Variants in GLRA3 observed in about 807,000 individuals in gnomAD.
The protein encoded by GLRA3 is glycine receptor subunit alpha-3.
In GLRA3, 44 loss-of-function variants were observed where a neutral mutation model predicts 60.4. That is an observed-to-expected ratio of 0.73 (90% CI 0.57 to 0.94). The LOEUF (loss-of-function observed/expected upper bound fraction) is 0.94. Among genes scored for constraint, GLRA3 ranks in the 40% least tolerant of loss-of-function variants. The pLI is 0.00. For missense variants in GLRA3, 508 were observed against 564.6 expected (o/e 0.90, Z 1.02); for synonymous variants, 223 against 192.9 (o/e 1.16, Z -1.29).
At position 174,638,285 on chromosome 4, in the gene GLRA3, CTT is replaced by C. The variant is rs900237731; in HGVS notation, c.*5499_*5500del. 5.9e-5 allele frequency: 9 copies of C among 151,928 alleles called. No homozygotes were observed. Among genetic ancestry groups the C allele is most frequent in the African/African-American group, 1.9e-4 (8 of 41,354 alleles). 9.4% of individuals were successfully genotyped at this position (151,928 alleles called of 1,614,324 possible). On this transcript the variant is annotated 3_prime_UTR_variant, in exon 10 of 10. Transcript: ENST00000274093. The stretch of plus-strand genomic sequence containing the variant: ...ACGCATCAAAGATTTATTTTAAATT[CTT>C]TTTTTGTCTGTCTGTTTGTTTGTGA...
chr4:174,718,910 T>G (rs1038437064), intron 4 of GLRA3, among the ~76,000 whole-genome samples: 1 of 151,512 alleles, frequency 6.6e-6, no homozygotes, highest in African/African-American at 2.4e-5. Context: ...ACAGCAAAAA[T>G]TGCTACAGCT....
chr4:174,676,193 TC>T (rs1387885293), intron 7 of GLRA3, among the ~76,000 whole-genome samples: 3 of 152,122 alleles, frequency 2.0e-5, no homozygotes, highest in Non-Finnish European at 4.4e-5. Flanking sequence ...CAATATTGGG[TC>T]TTTTACAAAC....
At chr4:174,700,514 G>A (rs10014459) in intron 5 of GLRA3, among the ~76,000 whole-genome samples, 89,960 of 151,930 alleles carry the variant, frequency 0.59, 27,629 homozygotes, top group Non-Finnish European at 0.68. Context: ...TAATAACTAC[G>A]AAGACCTTTA....
chr4:174,824,726 C>T (rs1352606631), intron 1 of GLRA3, among the ~76,000 whole-genome samples: 2 of 152,098 alleles, frequency 1.3e-5, no homozygotes, highest in Non-Finnish European at 2.9e-5. Context: ...CAAGGCCCAC[C>T]ACAAGTACCA....
chr4:174,687,164 G>A (rs1328141761), intron 5 of GLRA3, among the ~76,000 whole-genome samples: 1 of 152,056 alleles, frequency 6.6e-6, no homozygotes, highest in Non-Finnish European at 1.5e-5. Context: ...AGGAGTTACT[G>A]TATTTTTACT....
Position 174,791,684 on chromosome 4 carries a change from A to T in GLRA3, c.72-2741T>A, listed in dbSNP as rs558208231. ...TTGAAGTCTTTGTCTTGTAATTGCA[A>T]TGTCTTTGCCTCCCTAAGCATGCTT... On this transcript the variant is annotated intron_variant, in intron 1 of 9. Transcript: ENST00000274093. Among the ~76,000 whole-genome samples, 49 of 152,094 alleles carry T rather than the reference A, an allele frequency of 3.2e-4. 1 individual carries two copies. In the South Asian group the frequency reaches 0.01, roughly 32 times the overall value.
At chr4:174,710,995 C>G (rs1033971025) in intron 5 of GLRA3, among the ~76,000 whole-genome samples, 4 of 151,864 alleles carry the variant, frequency 2.6e-5, no homozygotes, top group Non-Finnish European at 4.4e-5. Flanking sequence ...TTCATTGTAA[C>G]TTAACATCAA....
At chr4:174,697,977 G>A (rs760502721) in intron 5 of GLRA3, among the ~76,000 whole-genome samples, 16 of 152,072 alleles carry the variant, frequency 1.1e-4, no homozygotes, top group Non-Finnish European at 1.2e-4. Context: ...TAAACTTCAG[G>A]TTGTGAGAAA....
At chr4:174,765,519 T>C (rs1178151533) in intron 3 of GLRA3, among the ~76,000 whole-genome samples, 1 of 151,934 alleles carries the variant, frequency 6.6e-6, no homozygotes, top group Non-Finnish European at 1.5e-5. Flanking sequence ...AATGAGAAAA[T>C]TGCCAGGGCT....
At chr4:174,735,637 G>A (rs1736755518) in intron 3 of GLRA3, among the ~76,000 whole-genome samples, 1 of 152,010 alleles carries the variant, frequency 6.6e-6, no homozygotes, top group Non-Finnish European at 1.5e-5. Context: ...CTCTGCTCAT[G>A]GCAACCTCCA....
At chr4:174,778,378 A>G (rs1368101666) in intron 2 of GLRA3, among the ~76,000 whole-genome samples, 1 of 151,608 alleles carries the variant, frequency 6.6e-6, no homozygotes, top group Non-Finnish European at 1.5e-5. Context: ...CATGTCTCAT[A>G]TATTTTTCTC....
intron 3 of GLRA3, among the ~76,000 whole-genome samples, chr4:174,744,455 C>T (rs1002931129): frequency 2.0e-5 from 3 of 152,336 alleles, no homozygotes; most frequent in South Asian, 2.1e-4. Flanking sequence ...AAGACTGGCC[C>T]ACCTGGCGTC....
intron 5 of GLRA3, 74 bp from the exon 6 acceptor site, chr4:174,683,013 A>C: frequency 8.3e-7 from 1 of 1,206,980 alleles, no homozygotes; most frequent in Admixed American, 1.8e-5. Context: ...ATTACTTTAT[A>C]GTCACATAGG....
At position 174,677,152 on chromosome 4, in the gene GLRA3, T is replaced by C; in HGVS notation, c.853A>G (p.Arg285Gly). The C allele has an allele frequency of 6.2e-7, 1 of 1,613,502 alleles. No homozygotes were observed. The highest frequency in any genetic ancestry group is 1.1e-5 in the South Asian group (1 of 91,070). The change falls in exon 7 of 10, where the codon AGG becomes GGG. Residue 285 changes from arginine (R) to glycine (G), a missense_variant. Arg to Gly is a moderately radical substitution (Grantham distance 125). Coordinates refer to ENST00000274093, the MANE Select transcript of GLRA3 (RefSeq NM_006529.4). ...FWINMDAAPA[R>G]VALGITTVLT... Reference sequence around the variant, plus strand: ...ACAGTGGTTATCCCCAGAGCTACCCTGGCCGGTGCTGCATCCATGTTGATC... The same window carrying C: ...ACAGTGGTTATCCCCAGAGCTACCCCGGCCGGTGCTGCATCCATGTTGATC...
chr4:174,759,320 TA>T (rs11358316), intron 3 of GLRA3, among the ~76,000 whole-genome samples: 55,031 of 151,782 alleles, frequency 0.36, 10,218 homozygotes, highest in East Asian at 0.46. Flanking sequence ...AATGAAGTGT[TA>T]AAAAATAACT....
chr4:174,649,871 G>T (rs915373052), intron 9 of GLRA3, among the ~76,000 whole-genome samples: 6 of 151,982 alleles, frequency 3.9e-5, no homozygotes, highest in Non-Finnish European at 8.8e-5. Context: ...GTCTTCATGT[G>T]AGGTGGACAC....
chr4:174,771,102 T>G (rs547220678), intron 2 of GLRA3, among the ~76,000 whole-genome samples: 84 of 133,936 alleles, frequency 6.3e-4, no homozygotes, highest in South Asian at 5.0e-3. Context: ...GGAGGGGGGA[T>G]GGATAGCATT....
intron 3 of GLRA3, among the ~76,000 whole-genome samples, chr4:174,743,114 C>T (rs77588423): frequency 0.031 from 4,677 of 152,240 alleles, 114 homozygotes; most frequent in Non-Finnish European, 0.05. Flanking sequence ...ATAAGAGTTT[C>T]TGTAAACCTT....
At chr4:174,724,049 T>C (rs1736226495) in intron 4 of GLRA3, among the ~76,000 whole-genome samples, 1 of 52,578 alleles carries the variant, frequency 1.9e-5, no homozygotes, top group Admixed American at 1.8e-4. Context: ...TATATATATT[T>C]GTGTGTGTGT....
Sources: allele counts gnomAD v4.1 joint callset (sites outside exome capture counted in the v4.1 genomes callset), GRCh38; gene constraint gnomAD v4.1.1; transcripts MANE v1.5; gene names NCBI Gene and HGNC (gene_info 2026-07-23, HGNC 2026-07-21).